The following DNMT3A variants were observed in gnomAD, a reference collection of about 807,000 sequenced individuals.
DNMT3A encodes the protein DNA methyltransferase 3 alpha.
A neutral mutation model predicts 117.6 loss-of-function variants in DNMT3A; 267 were observed. The ratio of observed to expected loss-of-function variants is 2.27; its 90% CI spans 2.05 to 2.51. The LOEUF (loss-of-function observed/expected upper bound fraction) is 2.51, where lower values mean the gene tolerates loss of function less well. DNMT3A is among the 30% of genes most tolerant of loss of function. DNMT3A has a pLI of 0.00. For synonymous variants in DNMT3A, 432 were observed against 474.8 expected, an observed-to-expected ratio of 0.91 and a Z score of 1.17; for missense variants, 1,029 against 1,260.2, an observed-to-expected ratio of 0.82 and a Z score of 2.78.
intron 19 of DNMT3A, 64 bp from the exon 20 acceptor site, chr2:25,239,279 G>A (rs2149268040): frequency 6.8e-7 from 1 of 1,466,332 alleles, no homozygotes; most frequent in East Asian, 2.3e-5. Context: ...CCGGCATGCT[G>A]CTGGGGTCGA....
intron 1 of DNMT3A, among the ~76,000 whole-genome samples, chr2:25,338,617 C>T (rs2035298847): frequency 6.6e-6 from 1 of 152,162 alleles, no homozygotes; most frequent in Non-Finnish European, 1.5e-5. Flanking sequence ...CCCTCGGAGG[C>T]CTCACCGCTT....
At position 25,243,980 on chromosome 2, in the gene DNMT3A, G is replaced by A. The variant is rs781503197; in HGVS notation, c.1854C>T (p.Asp618=). The A allele has an allele frequency of 8.4e-6, 13 of 1,553,398 alleles. No individual in the cohort carries two copies. The South Asian group carries it at 1.4e-4, about 17-fold the overall frequency. The change falls in exon 16 of 23, where the codon GAC becomes GAT. Residue 618 remains aspartate (D), a splice_region_variant and synonymous_variant. Transcript: ENST00000321117. ...GGACAGGTGGGTAAACCTTTGGAGG[G>A]TCCTAAGCAGTGAGCACAACAGGTC... ...FFANNHDQEF[D]PPKVYPPVPA... is the part of the protein sequence containing the mutation.
Position 25,232,033 on chromosome 2 carries a change from G to A in DNMT3A, c.*2246C>T, listed in dbSNP as rs1672903311. On this transcript the variant is annotated 3_prime_UTR_variant, in exon 23 of 23. Transcript: ENST00000321117. The surrounding 1 kb of genome is among the most constrained non-coding windows in gnomAD (Gnocchi z 4.1). ...GTGTGAGATTGACTGATTGGTGTGGGGTTTAGGTCTGCAGTGGGGACCGAG... is the reference window on the plus strand; with the variant it reads ...GTGTGAGATTGACTGATTGGTGTGGAGTTTAGGTCTGCAGTGGGGACCGAG... 1.3e-5 allele frequency: 2 copies of A among 152,154 alleles called. No individual in the cohort carries two copies. The highest frequency in any genetic ancestry group is 2.4e-5 in the African/African-American group (1 of 41,382). The allele number at this position is 152,154 out of a possible 1,614,324, so 9.4% of individuals were successfully genotyped here.
chr2:25,262,015 C>T (rs2149345107), intron 6 of DNMT3A, among the ~76,000 whole-genome samples: 1 of 152,064 alleles, frequency 6.6e-6, no homozygotes, highest in South Asian at 2.1e-4. Context: ...TGAAACCCCA[C>T]CCCGTCTCTA....
Position 25,237,151 on chromosome 2 carries a change from T to C in DNMT3A, c.2409-146A>G. On this transcript the variant is annotated intron_variant, in intron 20 of 22. Transcript: ENST00000321117. The surrounding 1 kb of genome is among the most constrained non-coding windows in gnomAD (Gnocchi z 5.4). ...CCAAATCACGCACACACGTCATAACTCTCTTCAAACTCCCCGCAAACACAC... is the reference window on the plus strand; with the variant it reads ...CCAAATCACGCACACACGTCATAACCCTCTTCAAACTCCCCGCAAACACAC... 2 of 703,974 alleles carry C rather than the reference T, an allele frequency of 2.8e-6. No individual in the cohort carries two copies. The highest frequency in any genetic ancestry group is 4.7e-6 in the Non-Finnish European group (2 of 425,774). The allele number at this position is 703,974 out of a possible 1,614,324, so 43.6% of individuals were successfully genotyped here.
chr2:25,322,317 T>C (rs780998723), intron 1 of DNMT3A, among the ~76,000 whole-genome samples: 3 of 152,074 alleles, frequency 2.0e-5, no homozygotes, highest in Non-Finnish European at 4.4e-5. Flanking sequence ...TCCTTCTCTA[T>C]AAATAAGAGT....
chr2:25,313,452 C>A (rs999850117), intron 2 of DNMT3A, among the ~76,000 whole-genome samples: 6 of 152,204 alleles, frequency 3.9e-5, no homozygotes, highest in African/African-American at 1.2e-4. Context: ...GGGTGGGCCC[C>A]CGCGGCCTCG....
chr2:25,269,934 A>G (rs1213394804), intron 6 of DNMT3A, among the ~76,000 whole-genome samples: 1 of 152,130 alleles, frequency 6.6e-6, no homozygotes, highest in Non-Finnish European at 1.5e-5. Context: ...CTCACTCAGT[A>G]ACTGTGGTCC....
intron 1 of DNMT3A, among the ~76,000 whole-genome samples, chr2:25,341,235 G>A (rs887761603): frequency 6.9e-6 from 1 of 144,682 alleles, no homozygotes. Flanking sequence ...CGGGGGGCCG[G>A]GTCGTGCCAG....
chr2:25,324,939 G>C (rs2034728834), intron 1 of DNMT3A, among the ~76,000 whole-genome samples: 1 of 152,146 alleles, frequency 6.6e-6, no homozygotes, highest in South Asian at 2.1e-4. Flanking sequence ...TGGCTCTAGA[G>C]TCACAATAAG....
chr2:25,310,486 G>A (rs988441367), intron 2 of DNMT3A, among the ~76,000 whole-genome samples: 13 of 152,054 alleles, frequency 8.5e-5, no homozygotes, highest in African/African-American at 2.7e-4. Flanking sequence ...TAGGGCAGGC[G>A]GCAGGTGCCA....
chr2:25,245,956 G>C, intron 12 of DNMT3A, 64 bp downstream of exon 12: 3 of 1,607,366 alleles, frequency 1.9e-6, no homozygotes, highest in Admixed American at 3.3e-5. Flanking sequence ...ACCTTCCTAA[G>C]TGCCTCTGCT....
intron 6 of DNMT3A, among the ~76,000 whole-genome samples, chr2:25,265,127 G>GA (rs999356089): frequency 4.6e-5 from 7 of 152,180 alleles, no homozygotes; most frequent in Non-Finnish European, 1.0e-4. Flanking sequence ...ACATGGTCAT[G>GA]AAAAAACAGC....
intron 6 of DNMT3A, among the ~76,000 whole-genome samples, chr2:25,261,476 G>A (rs1011339881): frequency 2.8e-5 from 4 of 142,540 alleles, no homozygotes; most frequent in African/African-American, 7.8e-5. Flanking sequence ...AGGTGGGGGC[G>A]GACACCTATA....
chr2:25,275,135 A>T (rs1217090860), intron 5 of DNMT3A, 48 bp from the exon 6 acceptor site: 2 of 1,511,206 alleles, frequency 1.3e-6, no homozygotes, highest in Non-Finnish European at 1.8e-6. Context: ...GCACTGACGG[A>T]CCCACCAAGG....
intron 6 of DNMT3A, chr2:25,251,808 C>T (rs1450056143): frequency 1.7e-5 from 5 of 295,798 alleles, no homozygotes; most frequent in Non-Finnish European, 3.1e-5. Flanking sequence ...GCCAGAAACG[C>T]AGGTCACCAG....
rs1473561158 is a variant in DNMT3A, at chr2:25,232,435, AG to A, written c.*1843del. On this transcript the variant is annotated 3_prime_UTR_variant, in exon 23 of 23. Transcript: ENST00000321117. The surrounding 1 kb of genome is among the most constrained non-coding windows in gnomAD (Gnocchi z 4.1). ...TGGGGCTCCAGGTGCTGCTGACTCG[AG>A]GTAAGAGCACAGCTATCATCAGACC... is the stretch of plus-strand genomic sequence containing the variant. 1 of 152,192 alleles carries A rather than the reference AG, an allele frequency of 6.6e-6. No homozygotes were observed. The highest frequency in any genetic ancestry group is 1.5e-5 in the Non-Finnish European group (1 of 68,046). 9.4% of individuals were successfully genotyped at this position (152,192 alleles called of 1,614,324 possible). A position where few individuals can be genotyped will look rare whatever the true frequency, so the allele number is the denominator to read the frequency against.
Position 25,282,479 on chromosome 2 carries a change from C to G in DNMT3A, c.410G>C (p.Cys137Ser), listed in dbSNP as rs1423789971. ...EASRAVENGCCTPKEGRGAPA... is the reference protein window; with the variant it reads ...EASRAVENGCSTPKEGRGAPA... The stretch of plus-strand genomic sequence containing the variant: ...GGCTCCTCGGCCCTCCTTGGGGGTG[C>G]AGCAGCCATTTTCCACTGCTCTTGA... Residue 137 changes from cysteine to serine, a missense_variant, in exon 4 of 23, where the codon TGC becomes TCC. Physicochemically the swap from Cys to Ser is moderately radical, Grantham distance 112. Transcript: ENST00000321117. This position sits in a 1 kb window ranked among gnomAD's most constrained non-coding sequence, Gnocchi z 5.2. 1.2e-6 allele frequency: 2 copies of G among 1,613,024 alleles called. No homozygotes were observed. The highest frequency in any genetic ancestry group is 1.7e-6 in the Non-Finnish European group (2 of 1,179,906).
At position 25,339,585 on chromosome 2, in the gene DNMT3A, T is replaced by C. The variant is rs1307345035; in HGVS notation, c.-178+2241A>G. ...TGGTCCCTCGCCTGGAGCCAGCACA[T>C]GTGCACACACAGACTCCCACCTTGA... is the stretch of plus-strand genomic sequence containing the variant. On this transcript the variant is annotated intron_variant, in intron 1 of 22. Transcript: ENST00000321117. The surrounding 1 kb of genome is among the most constrained non-coding windows in gnomAD (Gnocchi z 4.9). 2.0e-5 allele frequency among the ~76,000 whole-genome samples: 3 copies of C among 152,104 alleles called. No individual in the cohort carries two copies. In the East Asian group the frequency reaches 5.8e-4, roughly 29 times the overall value.
Sources: gnomAD v4.1 joint callset for allele counts (sites outside exome capture counted in the v4.1 genomes callset) on GRCh38, gnomAD v4.1.1 for gene constraint, Gnocchi (gnomAD v3.1) non-coding constraint, MANE v1.5 for transcripts, NCBI Gene and HGNC (gene_info 2026-07-23, HGNC 2026-07-21) for gene names.